The following NPHP3 variants were observed in gnomAD, a reference collection of about 807,000 sequenced individuals.
NPHP3 encodes nephrocystin-3.
NPHP3 carries 123 observed loss-of-function variants against 171.9 expected under a neutral mutation model. The observed-to-expected ratio is 0.72, with a 90% CI of 0.62 to 0.83. The LOEUF is 0.83. Among genes scored for constraint, NPHP3 ranks in the 40% least tolerant of loss-of-function variants. NPHP3 has a pLI of 0.00. For missense variants in NPHP3, 1,506 were observed against 1,591.9 expected (o/e 0.95, Z 0.92); for synonymous variants, 558 against 579.2 (o/e 0.96, Z 0.52).
intron 21 of NPHP3, 41 bp downstream of exon 21, chr3:132,688,609 C>T (rs1939220294): frequency 6.2e-7 from 1 of 1,605,086 alleles, no homozygotes; most frequent in South Asian, 1.1e-5. Flanking sequence ...ACTGTAATCC[C>T]CCTGCATAAA....
intron 14 of NPHP3, 47 bp from the exon 15 acceptor site, chr3:132,696,860 C>T: frequency 4.0e-6 from 6 of 1,489,814 alleles, no homozygotes; most frequent in Non-Finnish European, 5.6e-6. Context: ...CAAAAACCAC[C>T]CTGGAATTAA....
intron 14 of NPHP3, among the ~76,000 whole-genome samples, 159 bp from the exon 15 acceptor site, chr3:132,696,972 G>GT (rs2107977096): frequency 6.6e-6 from 1 of 152,286 alleles, no homozygotes; most frequent in South Asian, 2.1e-4. Flanking sequence ...CTCGGCTGTG[G>GT]GCAGCCTTCC....
intron 6 of NPHP3, among the ~76,000 whole-genome samples, chr3:132,711,224 C>A (rs1355911570): frequency 6.6e-6 from 1 of 152,004 alleles, no homozygotes; most frequent in East Asian, 1.9e-4. Flanking sequence ...TGGTGTGGAG[C>A]CCATCCCCAC....
chr3:132,695,100 G>GA (rs1939419091), intron 15 of NPHP3, 135 bp from the exon 16 acceptor site: 1 of 788,520 alleles, frequency 1.3e-6, no homozygotes. Context: ...CATGATAAAG[G>GA]AAAGTGGTAG....
chr3:132,711,206 C>T (rs989400378), intron 6 of NPHP3, among the ~76,000 whole-genome samples: 2 of 152,138 alleles, frequency 1.3e-5, no homozygotes, highest in Non-Finnish European at 2.9e-5. Context: ...TCCAACAGCC[C>T]TTGTTTGTGG....
intron 6 of NPHP3, among the ~76,000 whole-genome samples, chr3:132,709,052 TAA>T (rs1939833814): frequency 6.6e-6 from 1 of 152,060 alleles, no homozygotes; most frequent in African/African-American, 2.4e-5. Flanking sequence ...TCTCATCTAA[TAA>T]ATGACCCTAA....
chr3:132,695,210 A>G (rs1267197915), intron 15 of NPHP3: 2 of 441,842 alleles, frequency 4.5e-6, no homozygotes, highest in Admixed American at 3.7e-5. Flanking sequence ...AGCAATTACT[A>G]TGCATTATGG....
intron 13 of NPHP3, among the ~76,000 whole-genome samples, 186 bp from the exon 14 acceptor site, chr3:132,697,548 C>CT (rs1237237118): frequency 2.6e-5 from 4 of 152,116 alleles, no homozygotes; most frequent in African/African-American, 7.2e-5. Context: ...TGTATCATTA[C>CT]TTTGAGCAAT....
At position 132,683,487 on chromosome 3, in the gene NPHP3, G is replaced by A. The variant is rs373870292; in HGVS notation, c.3608C>T (p.Ala1203Val). ...LDKAVPLYEL[A>V]VEIRQKSFGP... ...AAAAGATTTCTGTCGAATTTCAACA[G>A]CCAATTCATACAAAGGTACAGCTTT... Residue 1203 changes from alanine (A) to valine (V), a missense_variant, in exon 25 of 27, where the codon GCT becomes GTT. Around this residue, in one of 3 missense-constraint regions of NPHP3, gnomAD observed 569 missense variants for 648.1 expected, o/e 0.88. Coordinates refer to ENST00000337331, the MANE Select transcript of NPHP3 (RefSeq NM_153240.5). The A allele has an allele frequency of 6.8e-6, 11 of 1,612,816 alleles. No homozygotes were observed. Among genetic ancestry groups the A allele is most frequent in the Non-Finnish European group, 9.3e-6 (11 of 1,179,156 alleles).
chr3:132,689,006 G>T (rs139380346), intron 20 of NPHP3, 68 bp downstream of exon 20: 9 of 1,610,824 alleles, frequency 5.6e-6, no homozygotes, highest in Non-Finnish European at 7.6e-6. Flanking sequence ...TTAACATCTT[G>T]GAAAAAGAGA....
At position 132,719,823 on chromosome 3, in the gene NPHP3, TG is replaced by T; in HGVS notation, c.400del (p.Gln134LysfsTer15). The stretch of plus-strand genomic sequence containing the variant: ...TCGAAGTATCTTCTGATACGTTTTT[TG>T]AAGTGCCTAGAATAATTTACCTTGT... ...KRLRAELQAL[Q>X]KTYQKILREK... On this transcript the variant is annotated frameshift_variant, in exon 2 of 27. Transcript: ENST00000337331. LOFTEE classifies it high-confidence loss of function. 1 of 1,589,694 alleles carries T rather than the reference TG, an allele frequency of 6.3e-7. No homozygotes were observed. The highest frequency in any genetic ancestry group is 1.1e-5 in the South Asian group (1 of 87,558).
At chr3:132,711,364 ATTTC>A (rs1560013410) in intron 6 of NPHP3, among the ~76,000 whole-genome samples, 2 of 152,166 alleles carry the variant, frequency 1.3e-5, no homozygotes, top group African/African-American at 4.8e-5. Context: ...TAAAATCCTC[ATTTC>A]TTTAATAAGA....
rs751944855 is a variant in NPHP3 at position 132,704,323 on chromosome 3, T to C, written c.1399A>G (p.Ser467Gly). The C allele has an allele frequency of 1.1e-5, 17 of 1,614,104 alleles. No homozygotes were observed. Among genetic ancestry groups the C allele is most frequent in the Non-Finnish European group, 8.5e-6 (10 of 1,180,048 alleles). Residue 467 changes from serine to glycine, a missense_variant, in exon 9 of 27, where the codon AGT becomes GGT. Physicochemically the swap from Ser to Gly is moderately conservative, Grantham distance 56 (BLOSUM62 0). Transcript: ENST00000337331. ...TCTTCTTCTGGAATGGAATCCTCAC[T>C]GCCCAAATCCTTAGTCTCCAAGTCT... ...NTDLETKDLG[S>G]EDSIPEEDDF...
intron 3 of NPHP3, among the ~76,000 whole-genome samples, chr3:132,718,782 T>C (rs966771269): frequency 8.5e-5 from 13 of 152,176 alleles, no homozygotes; most frequent in East Asian, 5.8e-4. Flanking sequence ...AGTGACAAGG[T>C]AGAAGGAACT....
intron 7 of NPHP3, 35 bp downstream of exon 7, chr3:132,708,066 T>C (rs1424173470): frequency 6.2e-7 from 1 of 1,608,896 alleles, no homozygotes; most frequent in East Asian, 2.2e-5. Context: ...TTCCCTCAGC[T>C]AAGTGTGTTT....
intron 9 of NPHP3, among the ~76,000 whole-genome samples, chr3:132,702,844 T>C (rs1939650579): frequency 6.6e-6 from 1 of 152,206 alleles, no homozygotes; most frequent in Non-Finnish European, 1.5e-5. Context: ...TCATAAGTCC[T>C]AACAACTTAG....
At chr3:132,696,667 G>A (rs1391342948) in intron 15 of NPHP3, 64 bp downstream of exon 15, 23 of 1,415,564 alleles carry the variant, frequency 1.6e-5, no homozygotes, top group Admixed American at 8.4e-5. Flanking sequence ...GTTTTGCAGG[G>A]TGAGAAAGGG....
chr3:132,699,372 T>C lies in NPHP3; in HGVS notation c.1966A>G (p.Thr656Ala), dbSNP rs778781964. The C allele has an allele frequency of 6.2e-7, 1 of 1,612,060 alleles. No individual in the cohort carries two copies. The highest frequency in any genetic ancestry group is 8.5e-7 in the Non-Finnish European group (1 of 1,178,982). The change falls in exon 13 of 27, where the codon ACA (threonine) becomes GCA (alanine). Residue 656 changes from threonine (T) to alanine (A), a missense_variant. Thr to Ala is a moderately conservative substitution (Grantham distance 58). Around this residue, in one of 3 missense-constraint regions of NPHP3, gnomAD observed 930 missense variants for 924.9 expected, o/e 1.01. Transcript: ENST00000337331. ...TCGTACCTCCATGCTGGAGGGCATG[T>C]TTCTACATTCACAGAAACAATTACT... ...VRVIVSVNVE[T>A]CPPAWRLWPT...
chr3:132,718,370 A>T (rs1940113982), intron 3 of NPHP3, among the ~76,000 whole-genome samples: 1 of 152,252 alleles, frequency 6.6e-6, no homozygotes, highest in South Asian at 2.1e-4. Context: ...TTAATTATAA[A>T]ACAAATACTT....
Sources: gnomAD v4.1 joint callset for allele counts (sites outside exome capture counted in the v4.1 genomes callset) on GRCh38, gnomAD v4.1.1 for gene constraint, gnomAD v4.1.1 regional missense constraint, MANE v1.5 for transcripts, NCBI Gene and HGNC (gene_info 2026-07-23, HGNC 2026-07-21) for gene names.